The following HLA-DQB2 variants were observed in gnomAD, a reference collection of about 807,000 sequenced individuals.
HLA-DQB2 encodes the protein HLA class II histocompatibility antigen, DQ beta 2 chain.
A neutral mutation model predicts 29.2 loss-of-function variants in HLA-DQB2; 24 were observed. That is an observed-to-expected ratio of 0.82 (90% CI 0.60 to 1.16). The LOEUF (loss-of-function observed/expected upper bound fraction) is 1.16. HLA-DQB2 is among the 50% of genes most tolerant of loss of function. HLA-DQB2 has a pLI of 0.00. For synonymous variants in HLA-DQB2, 104 were observed against 133.1 expected, an observed-to-expected ratio of 0.78 and a Z score of 1.51; for missense variants, 273 against 343.6, an observed-to-expected ratio of 0.79 and a Z score of 1.62.
intron 2 of HLA-DQB2, among the ~76,000 whole-genome samples, chr6:32,759,350 T>C (rs943879518): frequency 6.9e-6 from 1 of 145,020 alleles, no homozygotes; most frequent in African/African-American, 2.5e-5. Context: ...ACTTGCAATC[T>C]AGTAACAGAG....
In HLA-DQB2 at chr6:32,758,880, T is replaced by C. The variant is rs202167169; in HGVS notation, c.616A>G (p.Ser206Gly). 4.0e-4 allele frequency: 652 copies of C among 1,614,016 alleles called. 2 individuals carry two copies. The highest frequency in any genetic ancestry group is 3.1e-3 in the Middle Eastern group (19 of 6,060). Residue 206 changes from serine (S) to glycine (G), a missense_variant, in exon 3 of 6, where the codon AGC becomes GGC. Transcript: ENST00000437316. ...TCCACGGTGATGGGGCTCTGGAGGC[T>C]GGGGTGCTCCACTTGGCAGGTGTAG... ...DIYTCQVEHP[S>G]LQSPITVEWR...
Position 32,756,717 on chromosome 6 carries a change from T to G in HLA-DQB2, c.782-251A>C. 3.8e-6 allele frequency: 5 copies of G among 1,318,674 alleles called. No homozygotes were observed. In the South Asian group the frequency reaches 1.3e-4, roughly 35 times the overall value. The allele number at this position is 1,318,674 out of a possible 1,614,324, so 81.7% of individuals were successfully genotyped here. On this transcript the variant is annotated intron_variant, in intron 5 of 5. Transcript: ENST00000437316. ...TGGGTAATATGAAGAGTTTGATTTT[T>G]TTAGTAAATTGGGTGACACTTCATC...
chr6:32,763,345 G>A (rs1051474871), intron 1 of HLA-DQB2, 29 bp downstream of exon 1: 2 of 1,353,184 alleles, frequency 1.5e-6, no homozygotes, highest in Admixed American at 2.0e-5. Context: ...CACAGTGGTG[G>A]CTCTCGAGAG....
At chr6:32,762,824 T>A (rs945289320) in intron 1 of HLA-DQB2, among the ~76,000 whole-genome samples, 3 of 152,118 alleles carry the variant, frequency 2.0e-5, no homozygotes, top group Non-Finnish European at 4.4e-5. Context: ...TCAACTCAGG[T>A]CCCTGAATCC....
chr6:32,762,030 G>A (rs920395380), intron 1 of HLA-DQB2, 104 bp from the exon 2 acceptor site: 33 of 1,455,522 alleles, frequency 2.3e-5, no homozygotes, highest in Non-Finnish European at 2.9e-5. Flanking sequence ...GCCAGCAGCT[G>A]CGAAACCCGT....
chr6:32,756,600 A>G, intron 5 of HLA-DQB2, 134 bp from the exon 6 acceptor site: 2 of 1,467,874 alleles, frequency 1.4e-6, no homozygotes, highest in Non-Finnish European at 1.8e-6. Flanking sequence ...CACGTTCCCC[A>G]ATATCTGTGT....
Position 32,763,434 on chromosome 6 carries a change from C to A in HLA-DQB2, c.37G>T (p.Ala13Ser). The A allele has an allele frequency of 6.4e-7, 1 of 1,559,586 alleles. No individual in the cohort carries two copies. Reference protein sequence around the residue: ...LQIPGGFWAAAVTVMLVMLST... With the variant: ...LQIPGGFWAASVTVMLVMLST... ...AGCATCACCAGCATCACGGTCACAG[C>A]TGCTGCCCAAAAGCCTCCAGGGATC... The change falls in exon 1 of 6, where the codon GCT (alanine) becomes TCT (serine). Residue 13 changes from alanine (A) to serine (S), a missense_variant. Physicochemically the swap from Ala to Ser is moderately conservative, Grantham distance 99. Transcript: ENST00000437316.
At chr6:32,758,637 C>G (rs563717433) in intron 3 of HLA-DQB2, among the ~76,000 whole-genome samples, 1 of 152,172 alleles carries the variant, frequency 6.6e-6, no homozygotes, top group South Asian at 2.1e-4. Context: ...TGGACTAACA[C>G]AAATGTGGAA....
chr6:32,757,932 T>C (rs376548609), intron 3 of HLA-DQB2, 49 bp from the exon 4 acceptor site: 2 of 1,546,358 alleles, frequency 1.3e-6, no homozygotes, highest in East Asian at 2.4e-5. Flanking sequence ...CCCCATAATG[T>C]CCTTGGTACA....
In HLA-DQB2 at chr6:32,756,430, T is replaced by A; in HGVS notation, c.*23A>T. The A allele has an allele frequency of 7.2e-7, 1 of 1,396,174 alleles. No homozygotes were observed. The highest frequency in any genetic ancestry group is 1.0e-6 in the Non-Finnish European group (1 of 993,182). 86.5% of individuals were successfully genotyped at this position (1,396,174 alleles called of 1,614,324 possible). ...GGCATTACAGAAGAGTGATGACCAATCCCAGACAAAAGTCCTCAGGAGTCA... is the reference window on the plus strand; with the variant it reads ...GGCATTACAGAAGAGTGATGACCAAACCCAGACAAAAGTCCTCAGGAGTCA... On this transcript the variant is annotated 3_prime_UTR_variant, in exon 6 of 6. Transcript: ENST00000437316.
chr6:32,763,286 T>A, intron 1 of HLA-DQB2, 88 bp downstream of exon 1: 1 of 712,118 alleles, frequency 1.4e-6, no homozygotes, highest in South Asian at 1.6e-5. Context: ...TGTTCTGAGA[T>A]CATGGAGATC....
In HLA-DQB2 at chr6:32,761,701, T is replaced by G. The variant is rs1205257595; in HGVS notation, c.323A>C (p.His108Pro). 2 of 1,552,520 alleles carry G rather than the reference T, an allele frequency of 1.3e-6. No individual in the cohort carries two copies. The highest frequency in any genetic ancestry group is 3.9e-5 in the Admixed American group (2 of 51,078). The change falls in exon 2 of 6, where the codon CAC becomes CCC. Residue 108 changes from histidine to proline, a missense_variant. Transcript: ENST00000437316. ...CGTGCGCAGCTCCGCCTCGTAGTTG[T>G]GTCTGCACACCTTGTCCACCGCGGC... Reference protein sequence around the residue: ...ERAAVDKVCRHNYEAELRTTL... With the variant: ...ERAAVDKVCRPNYEAELRTTL...
At chr6:32,758,451 A>G (rs952935065) in intron 3 of HLA-DQB2, among the ~76,000 whole-genome samples, 2 of 152,144 alleles carry the variant, frequency 1.3e-5, no homozygotes, top group Non-Finnish European at 2.9e-5. Flanking sequence ...TCTCCCCATA[A>G]GCAGAAGCCA....
intron 1 of HLA-DQB2, among the ~76,000 whole-genome samples, chr6:32,762,756 T>C (rs1764961694): frequency 6.6e-6 from 1 of 152,200 alleles, no homozygotes. Flanking sequence ...GGTTTCTCAA[T>C]ATGTATTATT....
At chr6:32,756,834 C>T in intron 5 of HLA-DQB2, 1 of 1,191,444 alleles carries the variant, frequency 8.4e-7, no homozygotes, top group Non-Finnish European at 1.0e-6. Context: ...CCTACTATCT[C>T]ACATTCAAGA....
chr6:32,756,547 T>C (rs3213486), intron 5 of HLA-DQB2, 81 bp from the exon 6 acceptor site: 883,341 of 1,531,332 alleles, frequency 0.58, 259,418 homozygotes, highest in East Asian at 0.76. Flanking sequence ...GTTCCCTCTG[T>C]AGCATCAAAC....
Position 32,757,265 on chromosome 6 carries a change from A to G in HLA-DQB2, c.781+16T>C. ...CTGTGCCCTCTCCCCTGACTGGATC[A>G]TGGCTGAAATATTACCTGCTGGTGG... is the stretch of plus-strand genomic sequence containing the variant. On this transcript the variant is annotated intron_variant, in intron 5 of 5. Transcript: ENST00000437316. 1 of 1,550,480 alleles carries G rather than the reference A, an allele frequency of 6.4e-7. No homozygotes were observed. Among genetic ancestry groups the G allele is most frequent in the Non-Finnish European group, 8.7e-7 (1 of 1,146,928 alleles).
At chr6:32,757,949 GGAGATGTC>G in intron 3 of HLA-DQB2, 66 bp from the exon 4 acceptor site, 1 of 1,222,850 alleles carries the variant, frequency 8.2e-7, no homozygotes, top group Non-Finnish European at 1.1e-6. Flanking sequence ...TACAGGAGGT[GGAGATGTC>G]AGGGGACACT....
At chr6:32,758,158 T>G (rs2113925070) in intron 3 of HLA-DQB2, among the ~76,000 whole-genome samples, 1 of 147,488 alleles carries the variant, frequency 6.8e-6, no homozygotes, top group Non-Finnish European at 1.5e-5. Context: ...TTCTGGGGCT[T>G]TAGTAGTGTT....
Sources: allele counts gnomAD v4.1 joint callset (sites outside exome capture counted in the v4.1 genomes callset), GRCh38; gene constraint gnomAD v4.1.1; transcripts MANE v1.5; gene names NCBI Gene and HGNC (gene_info 2026-07-23, HGNC 2026-07-21).